Variants in CFAP43 observed in about 807,000 individuals in gnomAD.
CFAP43 encodes cilia and flagella associated protein 43.
Under a neutral mutation model 218.9 loss-of-function variants are expected in CFAP43, and 155 were observed. The observed-to-expected ratio is 0.71, with a 90% CI of 0.62 to 0.81. The LOEUF (loss-of-function observed/expected upper bound fraction) is 0.81, where lower values mean the gene tolerates loss of function less well. Among genes scored for constraint, CFAP43 ranks in the 30% least tolerant of loss-of-function variants. The pLI is 0.00. For missense variants in CFAP43, 1,778 were observed against 1,954.3 expected, an observed-to-expected ratio of 0.91 and a Z score of 1.70; for synonymous variants, 645 against 681.3, an observed-to-expected ratio of 0.95 and a Z score of 0.83.
chr10:104,180,980 C>T (rs989672983), intron 17 of CFAP43, among the ~76,000 whole-genome samples: 2 of 152,050 alleles, frequency 1.3e-5, no homozygotes, highest in Admixed American at 1.3e-4. Flanking sequence ...CTTTAAATCC[C>T]ATCCGCATGC....
At chr10:104,186,181 G>A in intron 14 of CFAP43, 58 bp from the exon 15 acceptor site, 1 of 1,374,124 alleles carries the variant, frequency 7.3e-7, no homozygotes, top group Admixed American at 2.7e-5. Flanking sequence ...AGCACCTTTG[G>A]GTTTGCAGAT....
At chr10:104,134,035 TAGGC>T (rs1319447123) in intron 34 of CFAP43, among the ~76,000 whole-genome samples, 2 of 152,144 alleles carry the variant, frequency 1.3e-5, no homozygotes, top group Non-Finnish European at 2.9e-5. Flanking sequence ...TGTCAACAAT[TAGGC>T]AGGAACTTTT....
chr10:104,149,075 C>T (rs1010380289), intron 28 of CFAP43, among the ~76,000 whole-genome samples: 8 of 152,142 alleles, frequency 5.3e-5, no homozygotes, highest in African/African-American at 1.9e-4. Context: ...TAGTTATCAG[C>T]AGTCTCTGTA....
In CFAP43 at chr10:104,182,365, CTG is replaced by C; in HGVS notation, c.2288_2289del (p.Thr763LysfsTer7). On this transcript the variant is annotated frameshift_variant and splice_region_variant, in exon 17 of 38. Transcript: ENST00000357060. LOFTEE classifies it high-confidence loss of function. ...SVDLGSDSEHTKQKASTDLSQ... is the reference protein window; with the variant it reads ...SVDLGSDSEHXKQKASTDLSQ... ...GCAAGCTAGTCATATAGGAACTCAA[CTG>C]TGTGTTCAGAATCGGATCCCAAATC... The C allele has an allele frequency of 6.3e-7, 1 of 1,594,606 alleles. No homozygotes were observed. Among genetic ancestry groups the C allele is most frequent in the Non-Finnish European group, 8.5e-7 (1 of 1,173,698 alleles).
chr10:104,142,224 T>C, intron 33 of CFAP43, 57 bp downstream of exon 33: 3 of 1,441,122 alleles, frequency 2.1e-6, no homozygotes, highest in Non-Finnish European at 2.9e-6. Flanking sequence ...TAACACAACC[T>C]GATTTAGCCC....
intron 5 of CFAP43, among the ~76,000 whole-genome samples, chr10:104,211,148 C>T (rs971059526): frequency 6.6e-6 from 1 of 152,136 alleles, no homozygotes; most frequent in African/African-American, 2.4e-5. Flanking sequence ...CTTCCTTAAC[C>T]AGCCCATCCC....
chr10:104,222,043 C>T (rs1310231439), intron 3 of CFAP43, among the ~76,000 whole-genome samples: 1 of 152,164 alleles, frequency 6.6e-6, no homozygotes, highest in Non-Finnish European at 1.5e-5. Context: ...TTTAATTACA[C>T]AAATAATATA....
intron 12 of CFAP43, among the ~76,000 whole-genome samples, chr10:104,189,448 G>T (rs1221762138): frequency 2.6e-5 from 4 of 152,308 alleles, no homozygotes; most frequent in Middle Eastern, 3.4e-3. Flanking sequence ...AGCTCTCTCA[G>T]GGATCACCTG....
intron 19 of CFAP43, among the ~76,000 whole-genome samples, chr10:104,175,010 A>G (rs2134855118): frequency 6.6e-6 from 1 of 152,198 alleles, no homozygotes; most frequent in South Asian, 2.1e-4. Flanking sequence ...AGCCGAGATC[A>G]TGCCAATGCA....
At chr10:104,184,989 G>A (rs773478536) in intron 16 of CFAP43, 27 bp downstream of exon 16, 3 of 1,611,814 alleles carry the variant, frequency 1.9e-6, no homozygotes, top group South Asian at 1.1e-5. Context: ...ATACTACATG[G>A]GGTTACTTAC....
chr10:104,143,611 T>C lies in CFAP43; in HGVS notation c.3973A>G (p.Thr1325Ala), dbSNP rs1266974321. Reference protein sequence around the residue: ...RISKQKTHSETTSVVPFGELP... With the variant: ...RISKQKTHSEATSVVPFGELP... ...TCTCCGAAAGGGACAACGCTGGTTG[T>C]TTCTGAGTGCGTTTTCTGTTTGGAA... The change falls in exon 32 of 38, where the codon ACA becomes GCA. Residue 1325 changes from threonine (T) to alanine (A), a missense_variant. Thr to Ala is a moderately conservative substitution (Grantham distance 58, BLOSUM62 0). This residue lies in a region of CFAP43 where 1,553 missense variants were observed against 1,685.2 expected (regional missense o/e 0.92). Coordinates refer to ENST00000357060, the MANE Select transcript of CFAP43 (RefSeq NM_025145.7). 2 of 1,614,064 alleles carry C rather than the reference T, an allele frequency of 1.2e-6. No homozygotes were observed. The highest frequency in any genetic ancestry group is 2.7e-5 in the African/African-American group (2 of 74,938).
intron 3 of CFAP43, among the ~76,000 whole-genome samples, chr10:104,219,377 C>T (rs551868652): frequency 1.3e-5 from 2 of 152,300 alleles, no homozygotes; most frequent in East Asian, 3.9e-4. Flanking sequence ...CCACCACAGC[C>T]TCCTAATTGA....
intron 23 of CFAP43, among the ~76,000 whole-genome samples, 158 bp downstream of exon 23, chr10:104,166,330 C>T (rs188398575): frequency 6.6e-6 from 1 of 152,246 alleles, no homozygotes; most frequent in Admixed American, 6.5e-5. Flanking sequence ...CCTCGTCCTC[C>T]CAAAGTACTG....
chr10:104,207,437 A>G (rs755568408), intron 6 of CFAP43, among the ~76,000 whole-genome samples: 43 of 152,302 alleles, frequency 2.8e-4, no homozygotes, highest in Non-Finnish European at 5.6e-4. Context: ...TTCCTAACAT[A>G]TCTCTTCTGT....
intron 30 of CFAP43, among the ~76,000 whole-genome samples, chr10:104,145,794 T>C (rs1178414402): frequency 6.6e-6 from 1 of 152,226 alleles, no homozygotes; most frequent in Non-Finnish European, 1.5e-5. Context: ...TAACAGGTCT[T>C]AGAAATCATC....
intron 3 of CFAP43, among the ~76,000 whole-genome samples, chr10:104,219,251 A>G (rs1048794327): frequency 2.6e-5 from 4 of 151,932 alleles, no homozygotes; most frequent in South Asian, 2.1e-4. Context: ...ACGACACCCA[A>G]TATTTAGTCA....
At chr10:104,201,507 T>A (rs2090531874) in intron 8 of CFAP43, among the ~76,000 whole-genome samples, 1 of 152,194 alleles carries the variant, frequency 6.6e-6, no homozygotes, top group Admixed American at 6.5e-5. Context: ...TTAGAAGTTG[T>A]AACATGTGTA....
intron 34 of CFAP43, among the ~76,000 whole-genome samples, chr10:104,135,965 T>C (rs2087421242): frequency 6.6e-6 from 1 of 152,098 alleles, no homozygotes. Context: ...AAACAGGGAC[T>C]GAGGCCAGGC....
chr10:104,173,916 T>C lies in CFAP43; in HGVS notation c.2461-1381A>G, dbSNP rs550097820. Among the ~76,000 whole-genome samples the C allele has an allele frequency of 2.0e-5, 3 of 152,290 alleles. No individual in the cohort carries two copies. The East Asian group carries it at 5.8e-4, about 29-fold the overall frequency. ...ACAATAAATTCAACAAATAGAAGAC[T>C]TGTTGCCCAAAAGAAAAGTTAATTG... On this transcript the variant is annotated intron_variant, in intron 19 of 37. Coordinates refer to ENST00000357060, the MANE Select transcript of CFAP43 (RefSeq NM_025145.7).
Sources: allele counts gnomAD v4.1 joint callset (sites outside exome capture counted in the v4.1 genomes callset), GRCh38; gene constraint gnomAD v4.1.1; regional missense constraint gnomAD v4.1.1; transcripts MANE v1.5; gene names NCBI Gene and HGNC (gene_info 2026-07-23, HGNC 2026-07-21).